The following MEX3D variants were observed in gnomAD, a reference collection of about 807,000 sequenced individuals.
MEX3D encodes the protein mex-3 RNA binding family member D, also known as RNA-binding protein MEX3D.
In MEX3D, 4 loss-of-function variants were observed where a neutral mutation model predicts 6.3. That is an observed-to-expected ratio of 0.64 (90% CI 0.31 to 1.46). MEX3D has a LOEUF of 1.46. Among genes scored for constraint, MEX3D ranks in the 40% most tolerant of loss-of-function variants. MEX3D has a pLI of 0.07. For synonymous variants in MEX3D, 626 were observed against 494.1 expected (o/e 1.27, Z -3.54); for missense variants, 1,038 against 994.4 (o/e 1.04, Z -0.59).
rs530241495 is a variant in MEX3D at position 1,556,283 on chromosome 19, G to A, written c.1236C>T (p.Gly412=). The change falls in exon 2 of 2, where the codon GGC becomes GGT. Residue 412 remains glycine (G), a synonymous_variant. Coordinates refer to ENST00000402693, the MANE Select transcript of MEX3D (RefSeq NM_203304.4). The surrounding 1 kb of genome is among the most constrained non-coding windows in gnomAD (Gnocchi z 7.5). ...PEAFYAGSRG[G]PSVPDPGPAS... ...CGGGGCCTGGGTCCGGCACGGAGGG[G>A]CCGCCGCGGCTGCCCGCGTAGAAGG... The A allele has an allele frequency of 1.2e-4, 152 of 1,275,846 alleles. 2 individuals carry two copies. In the South Asian group the frequency reaches 2.2e-3, roughly 19 times the overall value. 79.0% of individuals were successfully genotyped at this position (1,275,846 alleles called of 1,614,324 possible).
chr19:1,563,791 T>C (rs894637985), intron 1 of MEX3D, among the ~76,000 whole-genome samples: 5 of 152,090 alleles, frequency 3.3e-5, no homozygotes, highest in African/African-American at 1.2e-4. Context: ...AGAAACTGGG[T>C]TTGAATCCCA....
At position 1,556,145 on chromosome 19, in the gene MEX3D, G is replaced by C; in HGVS notation, c.1374C>G (p.Asp458Glu). 6.8e-7 allele frequency: 1 copy of C among 1,474,798 alleles called. No individual in the cohort carries two copies. The highest frequency in any genetic ancestry group is 2.1e-5 in the Admixed American group (1 of 47,536). 91.4% of individuals were successfully genotyped at this position (1,474,798 alleles called of 1,614,324 possible). A position where few individuals can be genotyped will look rare whatever the true frequency, so the allele number is the denominator to read the frequency against. ...PDDCDFGFDF[D>E]FLALDLTVPA... ...GCACGGTCAGGTCCAGCGCCAGGAA[G>C]TCGAAGTCGAAGCCGAAGTCGCAGT... The change falls in exon 2 of 2, where the codon GAC becomes GAG. Residue 458 changes from aspartate (D) to glutamate (E), a missense_variant. Asp to Glu is a conservative substitution (Grantham distance 45, BLOSUM62 2). This residue lies in a region of MEX3D where 581 missense variants were observed against 516.2 expected (regional missense o/e 1.13). Coordinates refer to ENST00000402693, the MANE Select transcript of MEX3D (RefSeq NM_203304.4). The surrounding 1 kb of genome is among the most constrained non-coding windows in gnomAD (Gnocchi z 7.5).
chr19:1,555,443 G>GC lies in MEX3D; in HGVS notation c.*119dup. The GC allele has an allele frequency of 2.5e-5, 15 of 590,594 alleles. No homozygotes were observed. Among genetic ancestry groups the GC allele is most frequent in the South Asian group, 3.5e-5 (1 of 28,668 alleles). The allele number at this position is 590,594 out of a possible 1,614,324, so 36.6% of individuals were successfully genotyped here. On this transcript the variant is annotated 3_prime_UTR_variant, in exon 2 of 2. Transcript: ENST00000402693. ...AACACTGGCCGCCGCCCACCCCCCT[G>GC]CCCCCTCGGCCTCCGCCCCTCGCCC...
In MEX3D at chr19:1,567,705, G is replaced by GGCGGGGGCCAGGGTCGGGGGC; in HGVS notation, c.333_353dup (p.Pro112_Ala118dup). The GGCGGGGGCCAGGGTCGGGGGC allele has an allele frequency of 9.4e-7, 1 of 1,059,516 alleles. No individual in the cohort carries two copies. Among genetic ancestry groups the GGCGGGGGCCAGGGTCGGGGGC allele is most frequent in the African/African-American group, 1.7e-5 (1 of 58,532 alleles). The allele number at this position is 1,059,516 out of a possible 1,614,324, so 65.6% of individuals were successfully genotyped here. On this transcript the variant is annotated inframe_insertion, in exon 1 of 2. Transcript: ENST00000402693. This position sits in a 1 kb window ranked among gnomAD's most constrained non-coding sequence, Gnocchi z 6.5. Reference sequence around the variant, plus strand: ...GCAGCGGCAGCGACCCGGGGGCCACGGCGGGGGCCAGGGTCGGGGGCGCGC... The same window carrying GGCGGGGGCCAGGGTCGGGGGC: ...GCAGCGGCAGCGACCCGGGGGCCACGGCGGGGGCCAGGGTCGGGGGCGCGGGGGCCAGGGTCGGGGGCGCGC...
rs757457356 is a variant in MEX3D, at chr19:1,555,611, A to G, written c.1908T>C (p.Cys636=). ...VRICGKSEPE[C]PACRTPATQA... ...GGGTGGCCGGCGTGCGGCAGGCGGG[A>G]CACTCGGGCTCGCTCTTGCCGCAGA... Residue 636 remains cysteine (C), a synonymous_variant, in exon 2 of 2, where the codon TGT becomes TGC. Transcript: ENST00000402693. The G allele has an allele frequency of 6.3e-6, 10 of 1,591,792 alleles. No individual in the cohort carries two copies. In the East Asian group the frequency reaches 2.3e-4, roughly 37 times the overall value.
rs1435629976 is a variant in MEX3D at position 1,568,281 on chromosome 19, C to T, written c.-223G>A. On this transcript the variant is annotated 5_prime_UTR_variant, in exon 1 of 2. Transcript: ENST00000402693. ...GACTCTGGCTGCGGCTCGGCGGCGG[C>T]GGCGACGGCGGCGGCGGCTCCTCGG... 3.6e-5 allele frequency among the ~76,000 whole-genome samples: 5 copies of T among 139,284 alleles called. No individual in the cohort carries two copies. The highest frequency in any genetic ancestry group is 7.9e-5 in the Non-Finnish European group (5 of 63,510). The allele number at this position is 139,284 out of a possible 152,430, so 91.4% of individuals were successfully genotyped here.
In MEX3D at chr19:1,556,194, G is replaced by C; in HGVS notation, c.1325C>G (p.Pro442Arg). Residue 442 changes from proline (P) to arginine (R), a missense_variant, in exon 2 of 2, where the codon CCG (proline) becomes CGG (arginine). Transcript: ENST00000402693. The surrounding 1 kb of genome is among the most constrained non-coding windows in gnomAD (Gnocchi z 7.5). The part of the protein sequence containing the change: ...FAFGAEGPGA[P>R]VGTAAPDDCD... ...GTCGTCGGGGGCGGCCGTCCCCACC[G>C]GGGCACCGGGACCCTCCGCGCCGAA... 2 of 1,450,732 alleles carry C rather than the reference G, an allele frequency of 1.4e-6. No homozygotes were observed. Among genetic ancestry groups the C allele is most frequent in the South Asian group, 1.3e-5 (1 of 79,904 alleles). The allele number at this position is 1,450,732 out of a possible 1,614,324, so 89.9% of individuals were successfully genotyped here. A position where few individuals can be genotyped will look rare whatever the true frequency, so the allele number is the denominator to read the frequency against.
Position 1,568,008 on chromosome 19 carries a change from G to GCCGCCGCCC in MEX3D, c.42_50dup (p.Gly18_Gly20dup), listed in dbSNP as rs1704246858. On this transcript the variant is annotated inframe_insertion, in exon 1 of 2. Coordinates refer to ENST00000402693, the MANE Select transcript of MEX3D (RefSeq NM_203304.4). ...CCCCCGCCGCCCCCACGCCGCCGCC[G>GCCGCCGCCC]CCGCCGCCCCCGCCCCCGCCGCCGT... 1.0e-6 allele frequency: 1 copy of GCCGCCGCCC among 976,406 alleles called. No homozygotes were observed. The highest frequency in any genetic ancestry group is 1.2e-6 in the Non-Finnish European group (1 of 826,558). The allele number at this position is 976,406 out of a possible 1,614,324, so 60.5% of individuals were successfully genotyped here. A position where few individuals can be genotyped will look rare whatever the true frequency, so the allele number is the denominator to read the frequency against.
intron 1 of MEX3D, among the ~76,000 whole-genome samples, chr19:1,564,519 C>T (rs1412750916): frequency 2.2e-5 from 3 of 138,014 alleles, no homozygotes; most frequent in Non-Finnish European, 4.6e-5. Flanking sequence ...GGCAACAGAG[C>T]GAGACTCCAT....
rs1466974737 is a variant in MEX3D at position 1,556,040 on chromosome 19, T to C, written c.1479A>G (p.Gly493=). Residue 493 remains glycine, a synonymous_variant, in exon 2 of 2, where the codon GGA becomes GGG. Transcript: ENST00000402693. This position sits in a 1 kb window ranked among gnomAD's most constrained non-coding sequence, Gnocchi z 7.5. The part of the protein sequence containing the change: ...PAFSGCSTVN[G]APGPPAAGAR... The stretch of plus-strand genomic sequence containing the variant: ...CGCCGGCGGCGGGAGGTCCCGGGGC[T>C]CCGTTGACCGTGGAGCAGCCGCTGA... The C allele has an allele frequency of 6.0e-6, 8 of 1,324,112 alleles. No homozygotes were observed. In the Admixed American group the frequency reaches 2.8e-4, roughly 46 times the overall value. 82.0% of individuals were successfully genotyped at this position (1,324,112 alleles called of 1,614,324 possible).
In MEX3D at chr19:1,555,550, G is replaced by T. The variant is rs995558129; in HGVS notation, c.*13C>A. 42 of 1,557,830 alleles carry T rather than the reference G, an allele frequency of 2.7e-5. No homozygotes were observed. In the African/African-American group the frequency reaches 3.0e-4, roughly 11 times the overall value. On this transcript the variant is annotated 3_prime_UTR_variant, in exon 2 of 2. Coordinates refer to ENST00000402693, the MANE Select transcript of MEX3D (RefSeq NM_203304.4). ...CCCCCGCAGATGGCCCCGGCCACGTGGTGGTCCGCGCTCTAGGAAAAGATA... is the reference window on the plus strand; with the variant it reads ...CCCCCGCAGATGGCCCCGGCCACGTTGTGGTCCGCGCTCTAGGAAAAGATA...
chr19:1,562,725 C>G (rs918298348), intron 1 of MEX3D, among the ~76,000 whole-genome samples: 17 of 151,900 alleles, frequency 1.1e-4, no homozygotes, highest in Admixed American at 9.2e-4. Flanking sequence ...ACAACAACAA[C>G]AAGAAACCGC....
In MEX3D at chr19:1,555,734, G is replaced by A. The variant is rs1205353245; in HGVS notation, c.1785C>T (p.Ala595=). The A allele has an allele frequency of 2.0e-6, 3 of 1,521,812 alleles. No individual in the cohort carries two copies. The highest frequency in any genetic ancestry group is 2.6e-6 in the Non-Finnish European group (3 of 1,141,532). The allele number at this position is 1,521,812 out of a possible 1,614,324, so 94.3% of individuals were successfully genotyped here. The change falls in exon 2 of 2, where the codon GCC becomes GCT. Residue 595 remains alanine (A), a synonymous_variant. Coordinates refer to ENST00000402693, the MANE Select transcript of MEX3D (RefSeq NM_203304.4). Reference sequence around the variant, plus strand: ...CGCACACCACGCACTCTCGCGCCAGGGCCGGGGCCGAGGACGCCGAAGGGG... The same window carrying A: ...CGCACACCACGCACTCTCGCGCCAGAGCCGGGGCCGAGGACGCCGAAGGGG... ...RKPPSASSAP[A]LARECVVCAE... is the part of the protein sequence containing the mutation.
rs778457833 is a variant in MEX3D at position 1,567,567 on chromosome 19, G to C, written c.492C>G (p.Ala164=). 2.0e-6 allele frequency: 3 copies of C among 1,517,752 alleles called. No homozygotes were observed. The highest frequency in any genetic ancestry group is 4.2e-5 in the Admixed American group (2 of 47,570). The allele number at this position is 1,517,752 out of a possible 1,614,324, so 94.0% of individuals were successfully genotyped here. Residue 164 remains alanine, a synonymous_variant, in exon 1 of 2, where the codon GCC becomes GCG. Transcript: ENST00000402693. This position sits in a 1 kb window ranked among gnomAD's most constrained non-coding sequence, Gnocchi z 6.5. ...PAALGPPTLL[A]DQMSVIGSRK... ...GGCTGCCGATCACGCTCATCTGGTCGGCCAGCAGCGTCGGGGGCCCCAGGG... is the reference window on the plus strand; with the variant it reads ...GGCTGCCGATCACGCTCATCTGGTCCGCCAGCAGCGTCGGGGGCCCCAGGG...
At chr19:1,562,733 C>T (rs929613410) in intron 1 of MEX3D, among the ~76,000 whole-genome samples, 1 of 151,832 alleles carries the variant, frequency 6.6e-6, no homozygotes, top group African/African-American at 2.4e-5. Context: ...AACAAGAAAC[C>T]GCTAGGCGTG....
In MEX3D at chr19:1,567,123, G is replaced by A. The variant is rs1005802931; in HGVS notation, c.595+341C>T. On this transcript the variant is annotated intron_variant, in intron 1 of 1. Transcript: ENST00000402693. The surrounding 1 kb of genome is among the most constrained non-coding windows in gnomAD (Gnocchi z 6.5). ...GTGTGGGGCGCCCCCCGCCCGGCCG[G>A]AGCCCCGGGCCCTCGAGCCCCTCTC... 2.6e-5 allele frequency among the ~76,000 whole-genome samples: 4 copies of A among 152,044 alleles called. No individual in the cohort carries two copies. The highest frequency in any genetic ancestry group is 5.9e-5 in the Non-Finnish European group (4 of 67,934).
rs1555698332 is a variant in MEX3D, at chr19:1,568,197, G to GGGT, written c.-140_-139insACC. The GGGT allele has an allele frequency of 1.4e-5, 7 of 503,516 alleles. No homozygotes were observed. The African/African-American group carries it at 1.5e-4, about 11-fold the overall frequency. 31.2% of individuals were successfully genotyped at this position (503,516 alleles called of 1,614,324 possible). A position where few individuals can be genotyped will look rare whatever the true frequency, so the allele number is the denominator to read the frequency against. On this transcript the variant is annotated 5_prime_UTR_variant, in exon 1 of 2. Transcript: ENST00000402693. Reference sequence around the variant, plus strand: ...GCGGGCACGGGGGGCCGGGCGGGCGGGGCGGCGGCGGCGCGGGGCTGCTCG... The same window carrying GGGT: ...GCGGGCACGGGGGGCCGGGCGGGCGGGGTGGCGGCGGCGGCGCGGGGCTGCTCG...
chr19:1,557,336 A>G (rs1914600174), intron 1 of MEX3D, among the ~76,000 whole-genome samples: 1 of 149,594 alleles, frequency 6.7e-6, no homozygotes, highest in Non-Finnish European at 1.5e-5. Context: ...AGGCCGAGGC[A>G]GGTGGATCAC....
chr19:1,559,868 T>C (rs1914675659), intron 1 of MEX3D, among the ~76,000 whole-genome samples: 1 of 152,000 alleles, frequency 6.6e-6, no homozygotes, highest in Non-Finnish European at 1.5e-5. Context: ...GACAGCAGTT[T>C]TCCCGCCCCA....
Sources: allele counts gnomAD v4.1 joint callset (sites outside exome capture counted in the v4.1 genomes callset), GRCh38; gene constraint gnomAD v4.1.1; regional missense constraint gnomAD v4.1.1; non-coding constraint Gnocchi (gnomAD v3.1); transcripts MANE v1.5; gene names NCBI Gene and HGNC (gene_info 2026-07-23, HGNC 2026-07-21).